The following DUS1L variants were observed in gnomAD, a reference collection of about 807,000 sequenced individuals.
The protein encoded by DUS1L is tRNA-dihydrouridine(16/17) synthase [NAD(P)(+)]-like.
Under a neutral mutation model 61.2 loss-of-function variants are expected in DUS1L, and 56 were observed. That is an observed-to-expected ratio of 0.92 (90% confidence interval 0.74 to 1.14). DUS1L has a LOEUF of 1.14. DUS1L is among the 50% of genes most tolerant of loss of function. The pLI is 0.00. For synonymous variants in DUS1L, 278 were observed against 259.5 expected (o/e 1.07, Z -0.69); for missense variants, 630 against 632.4 (o/e 1.00, Z 0.04).
intron 12 of DUS1L, 28 bp downstream of exon 12, chr17:82,058,753 T>C (rs775883868): frequency 1.4e-4 from 221 of 1,612,986 alleles, no homozygotes; most frequent in Non-Finnish European, 1.7e-4. Context: ...GCTGAAGCCT[T>C]GGTGGCTTGC....
In DUS1L at chr17:82,064,196, A is replaced by G. The variant is rs755033476; in HGVS notation, c.276T>C (p.Ala92=). The G allele has an allele frequency of 2.3e-5, 37 of 1,612,502 alleles. No individual in the cohort carries two copies. Among genetic ancestry groups the G allele is most frequent in the Middle Eastern group, 1.6e-4 (1 of 6,082 alleles). ...ANDPEVFVQA[A]LLAQDYCDAI... ...CGTCACAGTAATCCTGAGCCAGGAGAGCCGCCTGAACAAACACCTCCGGGT... is the reference window on the plus strand; with the variant it reads ...CGTCACAGTAATCCTGAGCCAGGAGGGCCGCCTGAACAAACACCTCCGGGT... The change falls in exon 3 of 14, where the codon GCT becomes GCC. Residue 92 remains alanine, a synonymous_variant. Coordinates refer to ENST00000306796, the MANE Select transcript of DUS1L (RefSeq NM_022156.5).
At position 82,058,798 on chromosome 17, in the gene DUS1L, G is replaced by A; in HGVS notation, c.1189C>T (p.Gln397Ter). ...SLKPKYAKCDQCGNPKGNRCV... is the reference protein window; with the variant it reads ...SLKPKYAKCD Reference sequence around the variant, plus strand: ...CCACTCACCTTTGGGTTTCCACACTGGTCACACTTTGCATATTTTGCTAGG... The same window carrying A: ...CCACTCACCTTTGGGTTTCCACACTAGTCACACTTTGCATATTTTGCTAGG... The change falls in exon 12 of 14, where the codon CAG becomes TAG. Residue 397 changes from glutamine (Q) to a stop codon, truncating the protein, a stop_gained. Transcript: ENST00000306796. LOFTEE classifies it high-confidence loss of function. The A allele has an allele frequency of 3.1e-6, 5 of 1,613,370 alleles. No homozygotes were observed. The highest frequency in any genetic ancestry group is 4.2e-6 in the Non-Finnish European group (5 of 1,179,900).
chr17:82,064,685 T>C (rs2033681499), intron 2 of DUS1L, 138 bp downstream of exon 2: 1 of 892,234 alleles, frequency 1.1e-6, no homozygotes, highest in Non-Finnish European at 1.7e-6. Context: ...TGGTGCCACC[T>C]TCTCCCTCTC....
rs1568094542 is a variant in DUS1L at position 82,065,046 on chromosome 17, T to G, written c.14A>C (p.Gln5Pro). Residue 5 changes from glutamine to proline, a missense_variant, in exon 2 of 14, where the codon CAG becomes CCG. By Grantham distance (76) the Gln-to-Pro change is moderately conservative. Coordinates refer to ENST00000306796, the MANE Select transcript of DUS1L (RefSeq NM_022156.5). ...GGTGCGGCTCCAGAACTCGAAGCCCTGCAGCTTTGGCATCGTCTCCAGGCT... is the reference window on the plus strand; with the variant it reads ...GGTGCGGCTCCAGAACTCGAAGCCCGGCAGCTTTGGCATCGTCTCCAGGCT... MPKLQGFEFWSRTLR... is the reference protein window; with the variant it reads MPKLPGFEFWSRTLR... 3 of 1,598,900 alleles carry G rather than the reference T, an allele frequency of 1.9e-6. No individual in the cohort carries two copies. The highest frequency in any genetic ancestry group is 2.7e-5 in the African/African-American group (2 of 74,664).
At position 82,058,099 on chromosome 17, in the gene DUS1L, T is replaced by C; in HGVS notation, c.*16A>G. 6.6e-7 allele frequency: 1 copy of C among 1,516,412 alleles called. No individual in the cohort carries two copies. The highest frequency in any genetic ancestry group is 8.9e-7 in the Non-Finnish European group (1 of 1,127,570). 93.9% of individuals were successfully genotyped at this position (1,516,412 alleles called of 1,614,324 possible). A position where few individuals can be genotyped will look rare whatever the true frequency, so the allele number is the denominator to read the frequency against. Reference sequence around the variant, plus strand: ...CAGGCTCCAGCAGCAGTCCTGGGGGTGGGGGTTGTGGGCCTTCAGGCCAGG... The same window carrying C: ...CAGGCTCCAGCAGCAGTCCTGGGGGCGGGGGTTGTGGGCCTTCAGGCCAGG... On this transcript the variant is annotated 3_prime_UTR_variant, in exon 14 of 14. Coordinates refer to ENST00000306796, the MANE Select transcript of DUS1L (RefSeq NM_022156.5).
rs1177452183 is a variant in DUS1L, at chr17:82,061,960, G to A, written c.534C>T (p.Thr178=). The stretch of plus-strand genomic sequence containing the variant: ...CCGACAGGGGCCCCTTCTGCTCCTT[G>A]GTGCGTCCGTGCACCGTCAGCAACT... The part of the protein sequence containing the change: ...GCQLLTVHGR[T]KEQKGPLSGA... The change falls in exon 6 of 14, where the codon ACC becomes ACT. Residue 178 remains threonine, a synonymous_variant. Transcript: ENST00000306796. 1.9e-6 allele frequency: 3 copies of A among 1,609,788 alleles called. No individual in the cohort carries two copies. In the East Asian group the frequency reaches 6.7e-5, roughly 36 times the overall value.
chr17:82,059,188 A>G, intron 11 of DUS1L: 1 of 225,182 alleles, frequency 4.4e-6, no homozygotes, highest in Non-Finnish European at 9.0e-6. Context: ...TCCCAAGCAA[A>G]AGGGCCAAGA....
intron 10 of DUS1L, 81 bp from the exon 11 acceptor site, chr17:82,060,174 G>A: frequency 6.6e-7 from 1 of 1,525,764 alleles, no homozygotes; most frequent in Non-Finnish European, 8.8e-7. Flanking sequence ...CTGAGTCTGG[G>A]TGAGGGGCCA....
At position 82,058,084 on chromosome 17, in the gene DUS1L, C is replaced by T; in HGVS notation, c.*31G>A. On this transcript the variant is annotated 3_prime_UTR_variant, in exon 14 of 14. Transcript: ENST00000306796. ...TAAGTAGGACGTGTCCAGGCTCCAGCAGCAGTCCTGGGGGTGGGGGTTGTG... is the reference window on the plus strand; with the variant it reads ...TAAGTAGGACGTGTCCAGGCTCCAGTAGCAGTCCTGGGGGTGGGGGTTGTG... 1 of 1,503,028 alleles carries T rather than the reference C, an allele frequency of 6.7e-7. No individual in the cohort carries two copies. Among genetic ancestry groups the T allele is most frequent in the Non-Finnish European group, 8.9e-7 (1 of 1,123,188 alleles). The allele number at this position is 1,503,028 out of a possible 1,614,324, so 93.1% of individuals were successfully genotyped here.
rs1247607342 is a variant in DUS1L, at chr17:82,058,190, C to T, written c.1347G>A (p.Glu449=). 6.2e-7 allele frequency: 1 copy of T among 1,601,600 alleles called. No homozygotes were observed. The highest frequency in any genetic ancestry group is 8.5e-7 in the Non-Finnish European group (1 of 1,171,608). Residue 449 remains glutamate, a synonymous_variant, in exon 14 of 14, where the codon GAG becomes GAA. Coordinates refer to ENST00000306796, the MANE Select transcript of DUS1L (RefSeq NM_022156.5). ...KSLAWKEAQP[E]LQEPQPAAPG... ...GTGCTGCTGGCTGAGGCTCCTGCAGCTCAGGCTGGGCCTCTTTCCAGGCCA... is the reference window on the plus strand; with the variant it reads ...GTGCTGCTGGCTGAGGCTCCTGCAGTTCAGGCTGGGCCTCTTTCCAGGCCA...
rs2144727584 is a variant in DUS1L at position 82,060,742 on chromosome 17, G to A, written c.981C>T (p.Asp327=). The A allele has an allele frequency of 6.2e-7, 1 of 1,612,978 alleles. No individual in the cohort carries two copies. The highest frequency in any genetic ancestry group is 2.2e-5 in the East Asian group (1 of 44,860). Residue 327 remains aspartate, a synonymous_variant, in exon 10 of 14, where the codon GAC becomes GAT. Transcript: ENST00000306796. ...GCTGGCAGATCCAGTGGAAGGGCAA[G>A]TCGCCGGTGGGCTTCGCTCCCTCCT... is the stretch of plus-strand genomic sequence containing the variant. ...SRQEGAKPTG[D]LPFHWICQPY...
chr17:82,058,553 G>C (rs2033206473), intron 12 of DUS1L, 137 bp from the exon 13 acceptor site: 2 of 1,454,286 alleles, frequency 1.4e-6, no homozygotes, highest in Non-Finnish European at 1.8e-6. Context: ...CTGCTCCCAA[G>C]CCAGATGCCT....
At position 82,060,763 on chromosome 17, in the gene DUS1L, C is replaced by T. The variant is rs139693895; in HGVS notation, c.960G>A (p.Glu320=). The part of the protein sequence containing the change: ...LRCQEEISRQ[E]GAKPTGDLPF... ...GCAAGTCGCCGGTGGGCTTCGCTCC[C>T]TCCTGCCTGGATATCTCCTCCTGCA... The change falls in exon 10 of 14, where the codon GAG becomes GAA. Residue 320 remains glutamate, a synonymous_variant. Transcript: ENST00000306796. 1.3e-5 allele frequency: 21 copies of T among 1,612,692 alleles called. No individual in the cohort carries two copies. The highest frequency in any genetic ancestry group is 1.8e-5 in the Non-Finnish European group (21 of 1,179,792).
intron 5 of DUS1L, 124 bp from the exon 6 acceptor site, chr17:82,062,107 C>T: frequency 1.2e-6 from 1 of 847,540 alleles, no homozygotes; most frequent in South Asian, 1.8e-5. Flanking sequence ...CCCTCCCAGC[C>T]CTGTGCCCCA....
intron 10 of DUS1L, chr17:82,060,401 G>A (rs1015611056): frequency 1.2e-5 from 7 of 575,952 alleles, no homozygotes; most frequent in South Asian, 4.5e-5. Context: ...CTTGACCCAC[G>A]GGCAAATCCA....
At position 82,061,765 on chromosome 17, in the gene DUS1L, C is replaced by T. The variant is rs1163301505; in HGVS notation, c.594-44G>A. ...CTGTTTCCACCCGCCCGGAACAGCA[C>T]CCAGGTGATGCTGCCCCCAGCCACG... On this transcript the variant is annotated intron_variant, in intron 6 of 13. Coordinates refer to ENST00000306796, the MANE Select transcript of DUS1L (RefSeq NM_022156.5). The T allele has an allele frequency of 6.2e-6, 10 of 1,603,638 alleles. No homozygotes were observed. The East Asian group carries it at 2.2e-4, about 36-fold the overall frequency.
intron 12 of DUS1L, 174 bp from the exon 13 acceptor site, chr17:82,058,590 C>G: frequency 6.8e-7 from 1 of 1,461,012 alleles, no homozygotes; most frequent in South Asian, 1.4e-5. Context: ...CACCCAGACT[C>G]TCTTCCCCTC....
At chr17:82,065,240 C>T (rs2033715541) in intron 1 of DUS1L, 171 bp from the exon 2 acceptor site, 3 of 586,322 alleles carry the variant, frequency 5.1e-6, no homozygotes, top group Non-Finnish European at 8.8e-6. Context: ...ACTCCAGTGC[C>T]GCCACCTCCT....
At chr17:82,065,423 C>T (rs1319848046) in intron 1 of DUS1L, 190 bp downstream of exon 1, 1 of 232,234 alleles carries the variant, frequency 4.3e-6, no homozygotes, top group Admixed American at 5.4e-5. Context: ...GACCCCCGGC[C>T]CCTTCCCGGG....
Sources: allele counts gnomAD v4.1 joint callset, GRCh38; gene constraint gnomAD v4.1.1; transcripts MANE v1.5; gene names NCBI Gene and HGNC (gene_info 2026-07-23, HGNC 2026-07-21).